Variants in LDB2 observed in about 807,000 individuals in gnomAD.
LDB2 encodes the protein LIM domain binding 2.
A neutral mutation model predicts 44.3 loss-of-function variants in LDB2; 12 were observed. The observed-to-expected ratio is 0.27, with a 90% CI of 0.17 to 0.44. The LOEUF is 0.44. LDB2 is among the 20% of genes least tolerant of loss of function. The pLI is 1.00. For missense variants in LDB2, 344 were observed against 473.5 expected (o/e 0.73, Z 2.54); for synonymous variants, 164 against 174.8 (o/e 0.94, Z 0.49).
intron 1 of LDB2, among the ~76,000 whole-genome samples, chr4:16,794,106 A>G (rs1776285673): frequency 6.6e-6 from 1 of 152,140 alleles, no homozygotes; most frequent in African/African-American, 2.4e-5. Flanking sequence ...CTCTCTTATC[A>G]AAACAGGGCC....
At chr4:16,544,757 T>C (rs984452230) in intron 5 of LDB2, among the ~76,000 whole-genome samples, 3 of 152,146 alleles carry the variant, frequency 2.0e-5, no homozygotes, top group African/African-American at 7.2e-5. Context: ...CAAGATGAAT[T>C]TGACATGTCT....
chr4:16,617,540 C>T (rs564062681), intron 2 of LDB2, among the ~76,000 whole-genome samples: 5 of 152,182 alleles, frequency 3.3e-5, no homozygotes, highest in Admixed American at 1.3e-4. Flanking sequence ...GTTTCACTCT[C>T]GGGACACACT....
At chr4:16,721,900 C>T (rs978508896) in intron 2 of LDB2, among the ~76,000 whole-genome samples, 1 of 152,144 alleles carries the variant, frequency 6.6e-6, no homozygotes, top group Non-Finnish European at 1.5e-5. Flanking sequence ...CATTCACTTT[C>T]TAAGCCACAG....
chr4:16,577,903 TA>T (rs1162180440), intron 5 of LDB2, among the ~76,000 whole-genome samples: 1 of 151,964 alleles, frequency 6.6e-6, no homozygotes, highest in East Asian at 1.9e-4. Context: ...AACATACAAA[TA>T]AATCCATAGT....
intron 1 of LDB2, among the ~76,000 whole-genome samples, chr4:16,865,947 G>T (rs1347735329): frequency 1.3e-5 from 2 of 152,124 alleles, no homozygotes; most frequent in Non-Finnish European, 2.9e-5. Flanking sequence ...CCCTGCTCCA[G>T]TGTTCCCCTG....
At chr4:16,728,799 T>C (rs898997236) in intron 2 of LDB2, among the ~76,000 whole-genome samples, 1 of 152,204 alleles carries the variant, frequency 6.6e-6, no homozygotes, top group Non-Finnish European at 1.5e-5. Flanking sequence ...TGTGAGATGA[T>C]GGCACAATAA....
intron 1 of LDB2, among the ~76,000 whole-genome samples, chr4:16,825,369 T>G (rs1782859382): frequency 6.6e-6 from 1 of 152,104 alleles, no homozygotes; most frequent in South Asian, 2.1e-4. Context: ...ACCCAGAGAA[T>G]GAGGAATACT....
chr4:16,596,053 A>G (rs1283225818), intron 2 of LDB2, among the ~76,000 whole-genome samples, 178 bp from the exon 3 acceptor site: 1 of 152,186 alleles, frequency 6.6e-6, no homozygotes, highest in Non-Finnish European at 1.5e-5. Context: ...TTAATAAAAT[A>G]TAATCCCCAA....
At chr4:16,643,196 G>T (rs952895257) in intron 2 of LDB2, among the ~76,000 whole-genome samples, 1 of 148,630 alleles carries the variant, frequency 6.7e-6, no homozygotes, top group African/African-American at 2.5e-5. Context: ...GATGGGGTGG[G>T]GGGGGCACTT....
At chr4:16,886,509 T>G (rs374593983) in intron 1 of LDB2, among the ~76,000 whole-genome samples, 1 of 152,198 alleles carries the variant, frequency 6.6e-6, no homozygotes, top group Admixed American at 6.5e-5. Context: ...TTCACAGCAA[T>G]TTTGTTGCAC....
In LDB2 at chr4:16,898,580, C is replaced by G; in HGVS notation, c.-95G>C. ...TTCTTCCCAGTACAAAGTAGACGCACGCACACACGCTCACACACACACAGA... is the reference window on the plus strand; with the variant it reads ...TTCTTCCCAGTACAAAGTAGACGCAGGCACACACGCTCACACACACACAGA... On this transcript the variant is annotated 5_prime_UTR_variant, in exon 1 of 8. Transcript: ENST00000304523. 1.6e-6 allele frequency: 2 copies of G among 1,268,342 alleles called. No homozygotes were observed. Among genetic ancestry groups the G allele is most frequent in the African/African-American group, 1.5e-5 (1 of 67,778 alleles). The allele number at this position is 1,268,342 out of a possible 1,614,324, so 78.6% of individuals were successfully genotyped here. A position where few individuals can be genotyped will look rare whatever the true frequency, so the allele number is the denominator to read the frequency against.
chr4:16,508,031 C>T (rs909188548), intron 7 of LDB2, among the ~76,000 whole-genome samples: 5 of 152,124 alleles, frequency 3.3e-5, no homozygotes, highest in African/African-American at 1.2e-4. Flanking sequence ...ATGGGCTAAG[C>T]GAGAGCTTCA....
chr4:16,644,083 A>G (rs1361939540), intron 2 of LDB2, among the ~76,000 whole-genome samples: 2 of 152,216 alleles, frequency 1.3e-5, no homozygotes, highest in Admixed American at 6.5e-5. Context: ...ACAGCTGTCT[A>G]CGGTCTGACA....
chr4:16,574,894 G>A (rs192629788), intron 5 of LDB2, among the ~76,000 whole-genome samples: 7 of 152,238 alleles, frequency 4.6e-5, no homozygotes, highest in East Asian at 1.9e-4. Context: ...GGTTATTGTC[G>A]GTAGTAAGGG....
chr4:16,815,247 A>G (rs1780692458), intron 1 of LDB2, among the ~76,000 whole-genome samples: 1 of 152,172 alleles, frequency 6.6e-6, no homozygotes, highest in Non-Finnish European at 1.5e-5. Context: ...TGTGTTGATC[A>G]CAATTTTAAC....
intron 2 of LDB2, among the ~76,000 whole-genome samples, chr4:16,732,937 G>A (rs967935758): frequency 1.3e-5 from 2 of 152,154 alleles, no homozygotes; most frequent in African/African-American, 4.8e-5. Context: ...ACTCTTTAAG[G>A]TCGGGGGAAA....
intron 1 of LDB2, among the ~76,000 whole-genome samples, chr4:16,843,783 A>C (rs207712): frequency 6.6e-6 from 1 of 151,964 alleles, no homozygotes; most frequent in Non-Finnish European, 1.5e-5. Flanking sequence ...CACCACGCCC[A>C]GCTAATTTTT....
At chr4:16,777,468 G>A (rs187823684) in intron 1 of LDB2, among the ~76,000 whole-genome samples, 73 of 152,246 alleles carry the variant, frequency 4.8e-4, no homozygotes, top group East Asian at 4.5e-3. Flanking sequence ...GGAAGCTGGC[G>A]GTGGGAGGCT....
At chr4:16,757,340 C>A (rs546946210) in intron 2 of LDB2, among the ~76,000 whole-genome samples, 7 of 152,220 alleles carry the variant, frequency 4.6e-5, no homozygotes, top group African/African-American at 1.7e-4. Flanking sequence ...CTTCTCCACT[C>A]GGGAAATATT....
Sources: gnomAD v4.1 joint callset for allele counts (sites outside exome capture counted in the v4.1 genomes callset) on GRCh38, gnomAD v4.1.1 for gene constraint, MANE v1.5 for transcripts, NCBI Gene and HGNC (gene_info 2026-07-23, HGNC 2026-07-21) for gene names.